The following LRRC4C variants were observed in gnomAD, a reference collection of about 807,000 sequenced individuals.
LRRC4C encodes the protein leucine rich repeat containing 4C, also known as leucine-rich repeat-containing protein 4C.
Under a neutral mutation model 33.6 loss-of-function variants are expected in LRRC4C, and 5 were observed. The observed-to-expected ratio is 0.15, with a 90% CI of 0.08 to 0.31. The LOEUF is 0.31. Ranked by LOEUF, LRRC4C falls within the 10% of genes least tolerant of loss-of-function variation. The pLI is 1.00. For missense variants in LRRC4C, 560 were observed against 796.7 expected, an observed-to-expected ratio of 0.70 and a Z score of 3.58; for synonymous variants, 329 against 302.0, an observed-to-expected ratio of 1.09 and a Z score of -0.93.
At chr11:41,008,063 T>C (rs1175398280) in intron 1 of LRRC4C, among the ~76,000 whole-genome samples, 1 of 152,086 alleles carries the variant, frequency 6.6e-6, no homozygotes, top group Non-Finnish European at 1.5e-5. Flanking sequence ...TCATTTCCAA[T>C]CAATTAGCAA....
intron 2 of LRRC4C, among the ~76,000 whole-genome samples, chr11:40,689,482 TAAC>T (rs1945123759): frequency 6.6e-6 from 1 of 152,130 alleles, no homozygotes; most frequent in South Asian, 2.1e-4. Context: ...TCATTATTAA[TAAC>T]ATTAATATAA....
At chr11:40,667,063 A>G (rs984935165) in intron 2 of LRRC4C, among the ~76,000 whole-genome samples, 4 of 152,218 alleles carry the variant, frequency 2.6e-5, no homozygotes, top group African/African-American at 7.2e-5. Context: ...ATTATTCAAA[A>G]TGTAGTTGCA....
intron 2 of LRRC4C, among the ~76,000 whole-genome samples, chr11:40,671,346 T>G (rs1944096385): frequency 1.3e-5 from 2 of 152,150 alleles, no homozygotes; most frequent in Admixed American, 1.3e-4. Flanking sequence ...TTAGAAAAGA[T>G]CCACTGATAC....
chr11:41,137,940 C>T (rs1943336536), intron 1 of LRRC4C, among the ~76,000 whole-genome samples: 1 of 152,168 alleles, frequency 6.6e-6, no homozygotes. Context: ...AGATGATATA[C>T]TAGTTGTTCT....
chr11:40,860,929 C>T (rs920456716), intron 2 of LRRC4C, among the ~76,000 whole-genome samples: 3 of 148,870 alleles, frequency 2.0e-5, no homozygotes, highest in African/African-American at 2.5e-5. Flanking sequence ...GATTGGACAA[C>T]GTTGTAAAGA....
Position 40,116,237 on chromosome 11 carries a change from T to A in LRRC4C, c.56A>T (p.Asn19Ile). The change falls in exon 7 of 7, where the codon AAC (asparagine) becomes ATC (isoleucine). Residue 19 changes from asparagine (N) to isoleucine (I), a missense_variant. Around this residue, in one of 3 missense-constraint regions of LRRC4C, gnomAD observed 455 missense variants for 643.8 expected, o/e 0.71. Transcript: ENST00000528697. ...PQQIMIGPRF[N>I]RALFDPLLVV... ...AAGCAGGGGGTCAAATAGGGCCCTGTTAAACCTAGGACCTATCATTATCTG... is the reference window on the plus strand; with the variant it reads ...AAGCAGGGGGTCAAATAGGGCCCTGATAAACCTAGGACCTATCATTATCTG... 6.2e-7 allele frequency: 1 copy of A among 1,614,056 alleles called. No individual in the cohort carries two copies. Among genetic ancestry groups the A allele is most frequent in the Non-Finnish European group, 8.5e-7 (1 of 1,180,000 alleles).
intron 3 of LRRC4C, among the ~76,000 whole-genome samples, chr11:40,419,513 T>C (rs1950447671): frequency 6.6e-6 from 1 of 152,126 alleles, no homozygotes; most frequent in African/African-American, 2.4e-5. Flanking sequence ...ATTAATATAC[T>C]GAAAGAGAAG....
intron 3 of LRRC4C, among the ~76,000 whole-genome samples, chr11:40,466,469 T>C: frequency 6.6e-6 from 1 of 151,974 alleles, no homozygotes; most frequent in Non-Finnish European, 1.5e-5. Context: ...GAAAATACTA[T>C]GCTTGGAAAA....
At chr11:41,452,374 C>G (rs910984655) in intron 1 of LRRC4C, among the ~76,000 whole-genome samples, 2 of 151,966 alleles carry the variant, frequency 1.3e-5, no homozygotes, top group South Asian at 2.1e-4. Context: ...AAAGGAACAG[C>G]TAGAACATCA....
At chr11:41,170,130 TG>T (rs1944906924) in intron 1 of LRRC4C, among the ~76,000 whole-genome samples, 1 of 152,144 alleles carries the variant, frequency 6.6e-6, no homozygotes, top group African/African-American at 2.4e-5. Context: ...CTCAGCTTTT[TG>T]GTTTATTTTC....
intron 1 of LRRC4C, among the ~76,000 whole-genome samples, chr11:41,447,896 T>A (rs1310630065): frequency 6.6e-6 from 1 of 152,184 alleles, no homozygotes; most frequent in Non-Finnish European, 1.5e-5. Flanking sequence ...CTCACCTTTG[T>A]AGAGGTACAT....
intron 3 of LRRC4C, among the ~76,000 whole-genome samples, chr11:40,597,437 T>C (rs1324525249): frequency 6.6e-6 from 1 of 152,168 alleles, no homozygotes; most frequent in African/African-American, 2.4e-5. Flanking sequence ...TTGTCCAAAT[T>C]ATTCTTCAGA....
At chr11:40,914,955 A>G (rs1185855332) in intron 2 of LRRC4C, among the ~76,000 whole-genome samples, 1 of 152,210 alleles carries the variant, frequency 6.6e-6, no homozygotes, top group Non-Finnish European at 1.5e-5. Context: ...ATTGCTTCAA[A>G]GAGAATAAAA....
intron 3 of LRRC4C, among the ~76,000 whole-genome samples, chr11:40,431,563 C>T (rs1301486875): frequency 2.0e-5 from 3 of 151,874 alleles, no homozygotes; most frequent in Non-Finnish European, 4.4e-5. Context: ...ATCTCTTTTT[C>T]CCCTCTCCTT....
At chr11:40,181,873 T>C (rs1412029659) in intron 5 of LRRC4C, among the ~76,000 whole-genome samples, 1 of 152,112 alleles carries the variant, frequency 6.6e-6, no homozygotes, top group Non-Finnish European at 1.5e-5. Context: ...GGACTCAGAG[T>C]CTGCTCTTCC....
intron 2 of LRRC4C, among the ~76,000 whole-genome samples, chr11:40,813,509 C>A (rs951734914): frequency 3.3e-5 from 5 of 152,088 alleles, no homozygotes; most frequent in African/African-American, 7.2e-5. Context: ...GGGATTATTA[C>A]AATTCAAGAT....
intron 1 of LRRC4C, among the ~76,000 whole-genome samples, chr11:41,314,359 T>C (rs928756659): frequency 2.0e-5 from 3 of 152,190 alleles, no homozygotes; most frequent in Non-Finnish European, 4.4e-5. Flanking sequence ...TATTGATCAC[T>C]TAATATGTTC....
At chr11:41,326,573 T>C (rs1472437191) in intron 1 of LRRC4C, among the ~76,000 whole-genome samples, 1 of 152,130 alleles carries the variant, frequency 6.6e-6, no homozygotes, top group Non-Finnish European at 1.5e-5. Flanking sequence ...GTTAAAAATA[T>C]AAAAAATTTA....
At chr11:40,924,122 G>GTGTATATATATATATA (rs370589025) in intron 2 of LRRC4C, among the ~76,000 whole-genome samples, 1 of 145,254 alleles carries the variant, frequency 6.9e-6, no homozygotes, top group Non-Finnish European at 1.5e-5. Flanking sequence ...GTGTGTGTGT[G>GTGTATATATATATATA]TATATATATA....
Sources: gnomAD v4.1 joint callset for allele counts (sites outside exome capture counted in the v4.1 genomes callset) on GRCh38, gnomAD v4.1.1 for gene constraint, gnomAD v4.1.1 regional missense constraint, MANE v1.5 for transcripts, NCBI Gene and HGNC (gene_info 2026-07-23, HGNC 2026-07-21) for gene names.